Variants in FSD1L observed in about 807,000 individuals in gnomAD.
FSD1L encodes the protein FSD1-like protein.
FSD1L carries 45 observed loss-of-function variants against 71.6 expected under a neutral mutation model. The observed-to-expected ratio is 0.63, with a 90% CI of 0.49 to 0.81. The LOEUF (loss-of-function observed/expected upper bound fraction) is 0.81. Ranked by LOEUF, FSD1L falls within the 30% of genes least tolerant of loss-of-function variation. FSD1L has a pLI of 0.00. For synonymous variants in FSD1L, 197 were observed against 207.2 expected (o/e 0.95, Z 0.42); for missense variants, 561 against 618.1 (o/e 0.91, Z 0.98).
chr9:105,465,845 G>C (rs1831029065), intron 3 of FSD1L, among the ~76,000 whole-genome samples: 1 of 151,406 alleles, frequency 6.6e-6, no homozygotes, highest in African/African-American at 2.4e-5. Context: ...TGTAAAGTCA[G>C]GAACAAGACA....
chr9:105,470,376 A>G (rs749495315), intron 4 of FSD1L, among the ~76,000 whole-genome samples: 8 of 152,160 alleles, frequency 5.3e-5, no homozygotes, highest in Non-Finnish European at 7.4e-5. Flanking sequence ...AAGTGTTCCA[A>G]TCTATGAACA....
At chr9:105,444,828 C>G (rs1435158813), upstream of FSD1L, among the ~76,000 whole-genome samples, 1 of 152,118 alleles carries the variant, frequency 6.6e-6, no homozygotes, top group Non-Finnish European at 1.5e-5. Context: ...TTCAATGGCT[C>G]TCAAGCTTAG....
chr9:105,467,854 G>C (rs956830677), intron 3 of FSD1L, among the ~76,000 whole-genome samples: 1 of 152,182 alleles, frequency 6.6e-6, no homozygotes, highest in African/African-American at 2.4e-5. Flanking sequence ...CACTGGCTTA[G>C]AGTCTGCCTG....
intron 11 of FSD1L, 101 bp from the exon 12 acceptor site, chr9:105,534,966 G>C: frequency 8.8e-7 from 1 of 1,132,224 alleles, no homozygotes; most frequent in Non-Finnish European, 1.3e-6. Context: ...AAAAGTACTT[G>C]AATAAAAATT....
rs947641663 is a variant in FSD1L at position 105,546,649 on chromosome 9, C to G, written c.*166C>G. 1 of 556,912 alleles carries G rather than the reference C, an allele frequency of 1.8e-6. No individual in the cohort carries two copies. The highest frequency in any genetic ancestry group is 2.9e-6 in the Non-Finnish European group (1 of 343,382). The allele number at this position is 556,912 out of a possible 1,614,324, so 34.5% of individuals were successfully genotyped here. ...CCTAGTACGAAGCATTTGCAGGAAC[C>G]TACTGTGCAGTATCATAGAAGCAAG... On this transcript the variant is annotated 3_prime_UTR_variant, in exon 14 of 14. Coordinates refer to ENST00000481272, the MANE Select transcript of FSD1L (RefSeq NM_001145313.3).
chr9:105,466,756 A>G (rs146442037), intron 3 of FSD1L, among the ~76,000 whole-genome samples: 1 of 152,282 alleles, frequency 6.6e-6, no homozygotes, highest in East Asian at 1.9e-4. Flanking sequence ...TTGGTGAATC[A>G]GCTTTCTTTA....
intron 3 of FSD1L, among the ~76,000 whole-genome samples, chr9:105,467,552 T>C (rs1032480339): frequency 4.6e-5 from 7 of 152,228 alleles, no homozygotes; most frequent in African/African-American, 1.7e-4. Context: ...AAGTAACTTA[T>C]CTGTATTTTA....
intron 7 of FSD1L, among the ~76,000 whole-genome samples, chr9:105,488,377 G>A (rs542704672): frequency 3.9e-5 from 6 of 152,128 alleles, no homozygotes; most frequent in African/African-American, 9.6e-5. Flanking sequence ...TTTTAGTATG[G>A]AATAATAGTC....
At chr9:105,526,393 A>G in intron 10 of FSD1L, 1 of 1,613,298 alleles carries the variant, frequency 6.2e-7, no homozygotes, top group South Asian at 1.1e-5. Flanking sequence ...GCTCCTACCC[A>G]GAGATTCTAC....
At chr9:105,462,637 C>T (rs2131607176) in intron 2 of FSD1L, among the ~76,000 whole-genome samples, 1 of 150,446 alleles carries the variant, frequency 6.6e-6, no homozygotes, top group South Asian at 2.1e-4. Flanking sequence ...ATTCTCCTGC[C>T]TCAGCCTCCT....
At chr9:105,528,301 A>T (rs1167773663) in intron 10 of FSD1L, among the ~76,000 whole-genome samples, 1 of 152,108 alleles carries the variant, frequency 6.6e-6, no homozygotes, top group Admixed American at 6.6e-5. Context: ...TTTAAACTTC[A>T]TATGGAACCG....
At chr9:105,504,599 ACTGGTT>A (rs1833944653) in intron 7 of FSD1L, among the ~76,000 whole-genome samples, 1 of 152,020 alleles carries the variant, frequency 6.6e-6, no homozygotes, top group Admixed American at 6.5e-5. Context: ...TTTGTGGGGG[ACTGGTT>A]CTAGCACCTT....
At chr9:105,506,714 C>G (rs1834070263) in intron 8 of FSD1L, 106 bp downstream of exon 8, 1 of 818,706 alleles carries the variant, frequency 1.2e-6, no homozygotes, top group Admixed American at 2.5e-5. Context: ...TCTTTAGTCA[C>G]ACTGAGTTTT....
upstream of FSD1L, among the ~76,000 whole-genome samples, chr9:105,443,080 G>A (rs760588094): frequency 6.6e-6 from 1 of 152,164 alleles, no homozygotes; most frequent in Non-Finnish European, 1.5e-5. Flanking sequence ...TCAGGTTTGT[G>A]TCCACTGACT....
Position 105,548,304 on chromosome 9 carries a change from A to C in FSD1L, c.*1821A>C, listed in dbSNP as rs1046246325. 2.0e-5 allele frequency: 3 copies of C among 152,346 alleles called. No individual in the cohort carries two copies. The highest frequency in any genetic ancestry group is 7.2e-5 in the African/African-American group (3 of 41,450). 9.4% of individuals were successfully genotyped at this position (152,346 alleles called of 1,614,324 possible). On this transcript the variant is annotated 3_prime_UTR_variant, in exon 14 of 14. Coordinates refer to ENST00000481272, the MANE Select transcript of FSD1L (RefSeq NM_001145313.3). The stretch of plus-strand genomic sequence containing the variant: ...AGGATCTAAATGAATGGGAATTTAT[A>C]ATTCCTTTCATAGACTCAAACCTGA...
At chr9:105,484,313 T>G in intron 6 of FSD1L, 68 bp from the exon 7 acceptor site, 2 of 1,196,026 alleles carry the variant, frequency 1.7e-6, no homozygotes, top group Non-Finnish European at 2.2e-6. Context: ...CTTTTCATTT[T>G]ATAAATTAAA....
chr9:105,487,991 A>G lies in FSD1L; in HGVS notation c.586+3489A>G, dbSNP rs80013298. 7.9e-3 allele frequency among the ~76,000 whole-genome samples: 1,209 copies of G among 152,242 alleles called. 10 individuals carry two copies. Among genetic ancestry groups the G allele is most frequent in the Middle Eastern group, 0.02 (6 of 294 alleles). On this transcript the variant is annotated intron_variant, in intron 7 of 13. Coordinates refer to ENST00000481272, the MANE Select transcript of FSD1L (RefSeq NM_001145313.3). Reference sequence around the variant, plus strand: ...TCAATGTCTCCCACCAGAGTGGTATATTTATTACAATTGATGAACCTACAC... The same window carrying G: ...TCAATGTCTCCCACCAGAGTGGTATGTTTATTACAATTGATGAACCTACAC...
Position 105,506,558 on chromosome 9 carries a change from G to C in FSD1L, c.746G>C (p.Arg249Pro). Reference sequence around the variant, plus strand: ...GGACTTCCACGTGTAAAGGATGAGCGATGCTGGGAGATAATTGATAATATT... The same window carrying C: ...GGACTTCCACGTGTAAAGGATGAGCCATGCTGGGAGATAATTGATAATATT... The part of the protein sequence containing the change: ...FDGLPRVKDE[R>P]CWEIIDNIKG... Residue 249 changes from arginine to proline, a missense_variant, in exon 8 of 14, where the codon CGA becomes CCA. By Grantham distance (103) the Arg-to-Pro change is moderately radical (BLOSUM62 -2). Around this residue, in one of 3 missense-constraint regions of FSD1L, gnomAD observed 410 missense variants for 413.5 expected, o/e 0.99. Coordinates refer to ENST00000481272, the MANE Select transcript of FSD1L (RefSeq NM_001145313.3). 1.9e-6 allele frequency: 3 copies of C among 1,551,118 alleles called. No individual in the cohort carries two copies. The highest frequency in any genetic ancestry group is 2.6e-6 in the Non-Finnish European group (3 of 1,146,622).
chr9:105,448,907 G>C (rs1165327255), intron 1 of FSD1L, among the ~76,000 whole-genome samples: 1 of 152,192 alleles, frequency 6.6e-6, no homozygotes, highest in Non-Finnish European at 1.5e-5. Flanking sequence ...GAACAGTTGA[G>C]GAAAGGTTAT....
Sources: gnomAD v4.1 joint callset for allele counts (sites outside exome capture counted in the v4.1 genomes callset) on GRCh38, gnomAD v4.1.1 for gene constraint, gnomAD v4.1.1 regional missense constraint, MANE v1.5 for transcripts, NCBI Gene and HGNC (gene_info 2026-07-23, HGNC 2026-07-21) for gene names.